EPPK1: variants seen among roughly 807,000 people sequenced by gnomAD.
The protein encoded by EPPK1 is epiplakin.
For synonymous variants in EPPK1, 1,862 were observed against 1,721.2 expected (o/e 1.08, Z -2.03); for missense variants, 3,823 against 3,673.3 (o/e 1.04, Z -1.05).
chr8:143,876,522 C>T (rs1261281226), intron 1 of EPPK1, among the ~76,000 whole-genome samples: 1 of 152,186 alleles, frequency 6.6e-6, no homozygotes, highest in Non-Finnish European at 1.5e-5. Flanking sequence ...CCTTCGTCCA[C>T]CTGCTTCCTC....
In EPPK1 at chr8:143,869,794, T is replaced by C; in HGVS notation, c.3460A>G (p.Thr1154Ala). Residue 1154 changes from threonine (T) to alanine (A), a missense_variant, in exon 2 of 2, where the codon ACC becomes GCC. By Grantham distance (58) the Thr-to-Ala change is moderately conservative. Coordinates refer to ENST00000615648, the MANE Select transcript of EPPK1 (RefSeq NM_031308.4). ...AGCAGGCCCCTCCGTTGCTCCTCGG[T>C]GAAGTGGCAGGAGCTGAGCAGGTCC... The part of the protein sequence containing the change: ...LWDLLSSCHF[T>A]EEQRRGLLED... The C allele has an allele frequency of 2.5e-6, 4 of 1,605,296 alleles. No individual in the cohort carries two copies. The highest frequency in any genetic ancestry group is 3.4e-6 in the Non-Finnish European group (4 of 1,176,794).
At position 143,857,901 on chromosome 8, in the gene EPPK1, A is replaced by C. The variant is rs529068668; in HGVS notation, c.*86T>G. 5.6e-6 allele frequency: 4 copies of C among 714,938 alleles called. No individual in the cohort carries two copies. Among genetic ancestry groups the C allele is most frequent in the Middle Eastern group, 3.1e-4 (1 of 3,250 alleles). 44.3% of individuals were successfully genotyped at this position (714,938 alleles called of 1,614,324 possible). On this transcript the variant is annotated 3_prime_UTR_variant, in exon 2 of 2. Transcript: ENST00000615648. ...ACAACAAAATTAAAGAATGACAAAA[A>C]AAAAAAAAAAAAAAAAAACAACCCA... is the stretch of plus-strand genomic sequence containing the variant.
chr8:143,872,282 G>A lies in EPPK1; in HGVS notation c.972C>T (p.Ala324=), dbSNP rs1214760105. The A allele has an allele frequency of 1.2e-6, 2 of 1,604,858 alleles. No individual in the cohort carries two copies. Among genetic ancestry groups the A allele is most frequent in the Non-Finnish European group, 8.5e-7 (1 of 1,175,816 alleles). The change falls in exon 2 of 2, where the codon GCC becomes GCT. Residue 324 remains alanine, a synonymous_variant. Coordinates refer to ENST00000615648, the MANE Select transcript of EPPK1 (RefSeq NM_031308.4). The stretch of plus-strand genomic sequence containing the variant: ...TGATGGGGTCCACCAGGGTGTGGGT[G>A]GCAGCCTGGGCCTCTAGGAGTGGCA... ...TALPLLEAQA[A]THTLVDPITG... is the part of the protein sequence containing the mutation.
At chr8:143,878,286 C>G (rs1260440827) in intron 1 of EPPK1, among the ~76,000 whole-genome samples, 152 bp downstream of exon 1, 1 of 150,988 alleles carries the variant, frequency 6.6e-6, no homozygotes, top group Non-Finnish European at 1.5e-5. Context: ...CTACCCTGGC[C>G]TCGGCGTGCG....
rs782175137 is a variant in EPPK1 at position 143,872,395 on chromosome 8, C to T, written c.859G>A (p.Val287Met). The change falls in exon 2 of 2, where the codon GTG (valine) becomes ATG (methionine). Residue 287 changes from valine to methionine, a missense_variant. Val to Met is a conservative substitution (Grantham distance 21, BLOSUM62 1). Coordinates refer to ENST00000615648, the MANE Select transcript of EPPK1 (RefSeq NM_031308.4). ...TCGGGCAGCAGGACAACCCCGGCCA[C>T]GCTGCCGGTACCCTCCAGGTAGCGC... ...VRRYLEGTGS[V>M]AGVVLLPEGH... The T allele has an allele frequency of 5.1e-5, 81 of 1,602,826 alleles. No individual in the cohort carries two copies. The highest frequency in any genetic ancestry group is 3.0e-4 in the Admixed American group (18 of 59,960).
Position 143,870,345 on chromosome 8 carries a change from G to A in EPPK1, c.2909C>T (p.Thr970Ile), listed in dbSNP as rs536433713. 17 of 1,558,436 alleles carry A rather than the reference G, an allele frequency of 1.1e-5. No homozygotes were observed. In the African/African-American group the frequency reaches 2.3e-4, roughly 21 times the overall value. The change falls in exon 2 of 2, where the codon ACC (threonine) becomes ATC (isoleucine). Residue 970 changes from threonine (T) to isoleucine (I), a missense_variant. Transcript: ENST00000615648. The surrounding 1 kb of genome is among the most constrained non-coding windows in gnomAD (Gnocchi z 5.2). ...ALALLEAQAA[T>I]GTIMDPHSPE... ...GCTGTGAGGGTCCATGATGGTTCCGGTGGCCGCCTGGGCCTCCAGCAGGGC... is the reference window on the plus strand; with the variant it reads ...GCTGTGAGGGTCCATGATGGTTCCGATGGCCGCCTGGGCCTCCAGCAGGGC...
rs1554660986 is a variant in EPPK1 at position 143,870,961 on chromosome 8, T to C, written c.2293A>G (p.Lys765Glu). The C allele has an allele frequency of 6.2e-7, 1 of 1,613,436 alleles. No individual in the cohort carries two copies. The highest frequency in any genetic ancestry group is 1.1e-5 in the South Asian group (1 of 91,082). ...LILLDPSDDT[K>E]GFFDPNTHEN... ...TGCGTGTTGGGGTCGAAGAAGCCCT[T>C]GGTGTCGTCAGAAGGGTCCAACAGG... is the stretch of plus-strand genomic sequence containing the variant. The change falls in exon 2 of 2, where the codon AAG becomes GAG. Residue 765 changes from lysine (K) to glutamate (E), a missense_variant. Lys to Glu is a moderately conservative substitution (Grantham distance 56, BLOSUM62 1). Coordinates refer to ENST00000615648, the MANE Select transcript of EPPK1 (RefSeq NM_031308.4). The surrounding 1 kb of genome is among the most constrained non-coding windows in gnomAD (Gnocchi z 5.2).
At position 143,872,511 on chromosome 8, in the gene EPPK1, A is replaced by G; in HGVS notation, c.743T>C (p.Leu248Pro). Reference sequence around the variant, plus strand: ...CTGCTCGTCCAGGATGCCCACCTCCAGCAGCTCAGCTGCACTCACCGCCCC... The same window carrying G: ...CTGCTCGTCCAGGATGCCCACCTCCGGCAGCTCAGCTGCACTCACCGCCCC... ...MGGAVSAAELLEVGILDEQAV... is the reference protein window; with the variant it reads ...MGGAVSAAELPEVGILDEQAV... The change falls in exon 2 of 2, where the codon CTG (leucine) becomes CCG (proline). Residue 248 changes from leucine to proline, a missense_variant. Leu to Pro is a moderately conservative substitution (Grantham distance 98). Transcript: ENST00000615648. 4 of 1,598,448 alleles carry G rather than the reference A, an allele frequency of 2.5e-6. No individual in the cohort carries two copies. The highest frequency in any genetic ancestry group is 3.4e-6 in the Non-Finnish European group (4 of 1,176,424).
rs782524018 is a variant in EPPK1 at position 143,872,920 on chromosome 8, G to C, written c.334C>G (p.Leu112Val). Reference sequence around the variant, plus strand: ...GTAGTGGCACGCTCAGCGGCCAGCAGCTTCTCCTTCAGCTCCAGCCCCACC... The same window carrying C: ...GTAGTGGCACGCTCAGCGGCCAGCACCTTCTCCTTCAGCTCCAGCCCCACC... Reference protein sequence around the residue: ...GLVGLELKEKLLAAERATTGY... With the variant: ...GLVGLELKEKVLAAERATTGY... Residue 112 changes from leucine to valine, a missense_variant, in exon 2 of 2, where the codon CTG becomes GTG. By Grantham distance (32) the Leu-to-Val change is conservative (BLOSUM62 1). Coordinates refer to ENST00000615648, the MANE Select transcript of EPPK1 (RefSeq NM_031308.4). The C allele has an allele frequency of 6.2e-7, 1 of 1,608,502 alleles. No individual in the cohort carries two copies. Among genetic ancestry groups the C allele is most frequent in the African/African-American group, 1.3e-5 (1 of 74,262 alleles).
In EPPK1 at chr8:143,871,166, G is replaced by T; in HGVS notation, c.2088C>A (p.Thr696=). The T allele has an allele frequency of 6.2e-7, 1 of 1,613,204 alleles. No individual in the cohort carries two copies. Among genetic ancestry groups the T allele is most frequent in the Non-Finnish European group, 8.5e-7 (1 of 1,180,024 alleles). Reference sequence around the variant, plus strand: ...CCTGGAAGAGGGAGATCTGCTGCCCGGTGTAGGGGTCAGTGTAGCCAGTGA... The same window carrying T: ...CCTGGAAGAGGGAGATCTGCTGCCCTGTGTAGGGGTCAGTGTAGCCAGTGA... ...RAVTGYTDPY[T]GQQISLFQAM... is the part of the protein sequence containing the mutation. Residue 696 remains threonine, a synonymous_variant, in exon 2 of 2, where the codon ACC becomes ACA. Transcript: ENST00000615648.
intron 1 of EPPK1, among the ~76,000 whole-genome samples, chr8:143,876,385 CA>C (rs1819478475): frequency 6.6e-6 from 1 of 152,198 alleles, no homozygotes; most frequent in South Asian, 2.1e-4. Context: ...GTCCACCCTG[CA>C]AAACTTGTTT....
rs1554661706 is a variant in EPPK1 at position 143,872,786 on chromosome 8, G to A, written c.468C>T (p.Ala156=). The part of the protein sequence containing the change: ...LGQSWLEVQL[A]TGGLVDPAQG... ...GGGCGGGGTCCACCAGGCCCCCAGT[G>A]GCCAGTTGGACCTCCAGCCAGCTCT... The change falls in exon 2 of 2, where the codon GCC becomes GCT. Residue 156 remains alanine, a synonymous_variant. Transcript: ENST00000615648. 2 of 1,577,614 alleles carry A rather than the reference G, an allele frequency of 1.3e-6. No individual in the cohort carries two copies. The highest frequency in any genetic ancestry group is 1.7e-6 in the Non-Finnish European group (2 of 1,158,052).
chr8:143,870,408 G>A lies in EPPK1; in HGVS notation c.2846C>T (p.Ala949Val). 1 of 1,586,370 alleles carries A rather than the reference G, an allele frequency of 6.3e-7. No individual in the cohort carries two copies. Among genetic ancestry groups the A allele is most frequent in the Non-Finnish European group, 8.5e-7 (1 of 1,171,746 alleles). Residue 949 changes from alanine (A) to valine (V), a missense_variant, in exon 2 of 2, where the codon GCC becomes GTC. Ala to Val is a moderately conservative substitution (Grantham distance 64). Transcript: ENST00000615648. The surrounding 1 kb of genome is among the most constrained non-coding windows in gnomAD (Gnocchi z 5.2). ...GGGCCCCAGCAGCTTCTGCCTCATG[G>A]CCTGGTAGAGGCTGAGCCGCTGGCC... ...PSGQRLSLYQ[A>V]MRQKLLGPRV... is the part of the protein sequence containing the mutation.
rs782728453 is a variant in EPPK1 at position 143,867,803 on chromosome 8, A to G, written c.5451T>C (p.Tyr1817=). Residue 1817 remains tyrosine (Y), a synonymous_variant, in exon 2 of 2, where the codon TAT becomes TAC. Coordinates refer to ENST00000615648, the MANE Select transcript of EPPK1 (RefSeq NM_031308.4). The part of the protein sequence containing the change: ...EDRKRELIQE[Y]GAQSGGLEKL... ...TCTCCAGGCCCCCACTCTGGGCTCC[A>G]TACTCCTGGATGAGCTCCCGCTTCC... is the stretch of plus-strand genomic sequence containing the variant. The G allele has an allele frequency of 1.2e-6, 2 of 1,613,590 alleles. No individual in the cohort carries two copies. The highest frequency in any genetic ancestry group is 1.7e-5 in the Admixed American group (1 of 60,018).
chr8:143,867,021 G>C lies in EPPK1; in HGVS notation c.6233C>G (p.Thr2078Arg), dbSNP rs782436797. The change falls in exon 2 of 2, where the codon ACG becomes AGG. Residue 2078 changes from threonine (T) to arginine (R), a missense_variant. By Grantham distance (71) the Thr-to-Arg change is moderately conservative. Coordinates refer to ENST00000615648, the MANE Select transcript of EPPK1 (RefSeq NM_031308.4). ...LQERCRPQEDTGWLLFPVNKA... is the reference protein window; with the variant it reads ...LQERCRPQEDRGWLLFPVNKA... ...GTTCACTGGGAACAGCAGCCAGCCC[G>C]TGTCCTCTTGTGGGCGGCACCTCTC... The C allele has an allele frequency of 7.4e-6, 12 of 1,612,670 alleles. No individual in the cohort carries two copies. Among genetic ancestry groups the C allele is most frequent in the East Asian group, 6.7e-5 (3 of 44,888 alleles).
intron 1 of EPPK1, among the ~76,000 whole-genome samples, chr8:143,876,187 G>A (rs1362693123): frequency 6.6e-6 from 1 of 152,184 alleles, no homozygotes; most frequent in African/African-American, 2.4e-5. Context: ...GGCACCACAG[G>A]GGCAGACAGG....
rs1819109145 is a variant in EPPK1 at position 143,866,441 on chromosome 8, G to A, written c.6813C>T (p.Phe2271=). The change falls in exon 2 of 2, where the codon TTC becomes TTT. Residue 2271 remains phenylalanine (F), a synonymous_variant. Transcript: ENST00000615648. ...VLLEAQAATG[F]VIDPVRNLRL... ...TCAGGTTGCGCACGGGGTCGATGAC[G>A]AAGCCGGTGGCCGCCTGCGCCTCCA... 1.0e-5 allele frequency: 14 copies of A among 1,374,204 alleles called. No individual in the cohort carries two copies. Among genetic ancestry groups the A allele is most frequent in the African/African-American group, 7.7e-5 (5 of 64,710 alleles). The allele number at this position is 1,374,204 out of a possible 1,614,324, so 85.1% of individuals were successfully genotyped here. A position where few individuals can be genotyped will look rare whatever the true frequency, so the allele number is the denominator to read the frequency against.
intron 1 of EPPK1, among the ~76,000 whole-genome samples, chr8:143,876,942 C>A (rs560362337): frequency 6.6e-6 from 1 of 152,218 alleles, no homozygotes; most frequent in East Asian, 1.9e-4. Context: ...CCCTGACCTG[C>A]GCACAGGCCG....
At position 143,873,363 on chromosome 8, in the gene EPPK1, G is replaced by C. The variant is rs79528319; in HGVS notation, c.-45-65C>G. ...GCCTGGTGGGCACGAGGGAAGATGC[G>C]GTCATGGGGCAATCCCATGCTGTCC... On this transcript the variant is annotated intron_variant, in intron 1 of 1. Coordinates refer to ENST00000615648, the MANE Select transcript of EPPK1 (RefSeq NM_031308.4). 5,393 of 1,201,930 alleles carry C rather than the reference G, an allele frequency of 4.5e-3. 138 individuals are homozygous for C. In the African/African-American group the frequency reaches 0.067, roughly 15 times the overall value. The allele number at this position is 1,201,930 out of a possible 1,614,324, so 74.5% of individuals were successfully genotyped here. A position where few individuals can be genotyped will look rare whatever the true frequency, so the allele number is the denominator to read the frequency against.
Sources: gnomAD v4.1 joint callset for allele counts (sites outside exome capture counted in the v4.1 genomes callset) on GRCh38, gnomAD v4.1.1 for gene constraint, Gnocchi (gnomAD v3.1) non-coding constraint, MANE v1.5 for transcripts, NCBI Gene and HGNC (gene_info 2026-07-23, HGNC 2026-07-21) for gene names.